LOXHD1: variants seen among roughly 807,000 people sequenced by gnomAD.
LOXHD1 encodes lipoxygenase homology PLAT domains 1, also known as lipoxygenase homology domain-containing protein 1.
LOXHD1 carries 205 observed loss-of-function variants against 248.2 expected under a neutral mutation model. The ratio of observed to expected loss-of-function variants is 0.83; its 90% CI spans 0.74 to 0.93. The LOEUF (loss-of-function observed/expected upper bound fraction) is 0.93, where lower values mean the gene tolerates loss of function less well. LOXHD1 is among the 40% of genes least tolerant of loss of function. The pLI, the probability that LOXHD1 is intolerant of heterozygous loss-of-function variation, is 0.00. For missense variants in LOXHD1, 2,930 were observed against 2,971.6 expected (o/e 0.99, Z 0.33); for synonymous variants, 1,113 against 1,162.8 (o/e 0.96, Z 0.87).
chr18:46,519,648 C>T (rs1327101302), intron 33 of LOXHD1, among the ~76,000 whole-genome samples: 1 of 152,202 alleles, frequency 6.6e-6, no homozygotes, highest in Non-Finnish European at 1.5e-5. Context: ...CTTATCCAGG[C>T]AGGCATAAAA....
intron 6 of LOXHD1, among the ~76,000 whole-genome samples, chr18:46,610,575 T>A (rs964382149): frequency 6.6e-6 from 1 of 152,216 alleles, no homozygotes; most frequent in South Asian, 2.1e-4. Context: ...GAGAAAGTAC[T>A]GGACTTCCTG....
At chr18:46,519,990 C>T (rs533209726) in intron 33 of LOXHD1, among the ~76,000 whole-genome samples, 25 of 152,232 alleles carry the variant, frequency 1.6e-4, no homozygotes, top group African/African-American at 4.6e-4. Context: ...AGCTGCACTG[C>T]GTGGGGTGTG....
At chr18:46,527,001 A>G (rs890653763) in intron 29 of LOXHD1, among the ~76,000 whole-genome samples, 1 of 152,138 alleles carries the variant, frequency 6.6e-6, no homozygotes, top group Non-Finnish European at 1.5e-5. Flanking sequence ...TTAAGGTCAC[A>G]TGGTTAGTAA....
chr18:46,510,627 A>G (rs1391173854), intron 34 of LOXHD1, among the ~76,000 whole-genome samples: 1 of 152,170 alleles, frequency 6.6e-6, no homozygotes, highest in African/African-American at 2.4e-5. Flanking sequence ...CTGCATGGCA[A>G]TCGTCGTGCT....
At chr18:46,477,239 G>T (rs1045899059), downstream of LOXHD1, 2 of 743,374 alleles carry the variant, frequency 2.7e-6, no homozygotes, top group Non-Finnish European at 4.9e-6. Flanking sequence ...ACAGAAAAAG[G>T]AAATACAAAA....
At chr18:46,488,619 G>A (rs761762361) in intron 38 of LOXHD1, among the ~76,000 whole-genome samples, 1 of 152,184 alleles carries the variant, frequency 6.6e-6, no homozygotes, top group African/African-American at 2.4e-5. Context: ...TCTAGGAAGC[G>A]TTGATTAGGC....
intron 14 of LOXHD1, among the ~76,000 whole-genome samples, chr18:46,577,318 T>G (rs2037877094): frequency 6.6e-6 from 1 of 152,054 alleles, no homozygotes; most frequent in East Asian, 1.9e-4. Flanking sequence ...AGGGAAGAGG[T>G]ATGGTCAGAA....
chr18:46,557,543 G>A (rs942521679), intron 20 of LOXHD1, 54 bp from the exon 21 acceptor site: 1 of 1,547,700 alleles, frequency 6.5e-7, no homozygotes. Context: ...TCCCCACATG[G>A]CCATCAGCCC....
intron 4 of LOXHD1, among the ~76,000 whole-genome samples, chr18:46,619,170 T>C (rs1256717839): frequency 6.6e-6 from 1 of 152,146 alleles, no homozygotes; most frequent in Non-Finnish European, 1.5e-5. Flanking sequence ...CCACTCTCCC[T>C]CCCCTTTTCC....
intron 21 of LOXHD1, chr18:46,555,045 T>C (rs2037262465): frequency 2.2e-6 from 1 of 455,730 alleles, no homozygotes; most frequent in East Asian, 7.1e-5. Context: ...CAGGCATTAC[T>C]ATAGATTGTA....
intron 18 of LOXHD1, 136 bp from the exon 19 acceptor site, chr18:46,560,681 CT>C: frequency 1.3e-6 from 1 of 799,344 alleles, no homozygotes; most frequent in South Asian, 1.9e-5. Context: ...GGCCTCTGTG[CT>C]CAGATCCTTC....
At chr18:46,570,341 C>G (rs1230781514) in intron 15 of LOXHD1, among the ~76,000 whole-genome samples, 1 of 152,246 alleles carries the variant, frequency 6.6e-6, no homozygotes, top group Admixed American at 6.5e-5. Flanking sequence ...CAGGCTTGTT[C>G]CTGGGTGTGT....
chr18:46,582,021 T>C (rs1259875089), intron 12 of LOXHD1, among the ~76,000 whole-genome samples: 2 of 152,184 alleles, frequency 1.3e-5, no homozygotes, highest in African/African-American at 4.8e-5. Flanking sequence ...CACTAGCATA[T>C]CTGTCAAGAA....
At chr18:46,521,453 A>T (rs953184274) in intron 32 of LOXHD1, among the ~76,000 whole-genome samples, 171 bp from the exon 33 acceptor site, 7 of 152,262 alleles carry the variant, frequency 4.6e-5, no homozygotes, top group Admixed American at 3.3e-4. Context: ...GCCTCTAATT[A>T]GGTGACTTTG....
intron 8 of LOXHD1, among the ~76,000 whole-genome samples, chr18:46,595,838 C>T (rs980659310): frequency 6.6e-6 from 1 of 152,146 alleles, no homozygotes; most frequent in Admixed American, 6.5e-5. Flanking sequence ...TCCTCGTTTA[C>T]TCTTGAATTG....
chr18:46,642,595 G>A (rs1468996864), intron 2 of LOXHD1, among the ~76,000 whole-genome samples: 1 of 152,242 alleles, frequency 6.6e-6, no homozygotes, highest in Non-Finnish European at 1.5e-5. Context: ...GGGAAGTAGG[G>A]CAGTGAGGGA....
chr18:46,623,927 C>T (rs963197094), intron 4 of LOXHD1, among the ~76,000 whole-genome samples: 1 of 152,232 alleles, frequency 6.6e-6, no homozygotes, highest in Non-Finnish European at 1.5e-5. Flanking sequence ...GCCACATTCC[C>T]GACTACAGAA....
Position 46,604,122 on chromosome 18 carries a change from G to A in LOXHD1, c.867C>T (p.Gly289=), listed in dbSNP as rs748490817. 3.1e-5 allele frequency: 48 copies of A among 1,551,700 alleles called. No individual in the cohort carries two copies. The highest frequency in any genetic ancestry group is 2.0e-4 in the South Asian group (17 of 84,056). Residue 289 remains glycine, a synonymous_variant, in exon 7 of 41, where the codon GGC becomes GGT. Transcript: ENST00000642948. ...CAAATCTACCTGTGGTCTCAGCTCC[G>A]CCCACTAAGATATCCCTTTGGATTT... ...DGKIQRDILV[G]GAETTAITYI... is the part of the protein sequence containing the mutation.
intron 12 of LOXHD1, 111 bp downstream of exon 12, chr18:46,591,822 G>A: frequency 7.4e-7 from 1 of 1,355,022 alleles, no homozygotes; most frequent in South Asian, 1.4e-5. Flanking sequence ...GGCACTCTAA[G>A]GGGCCTGAAG....
Sources: allele counts gnomAD v4.1 joint callset (sites outside exome capture counted in the v4.1 genomes callset), GRCh38; gene constraint gnomAD v4.1.1; transcripts MANE v1.5; gene names NCBI Gene and HGNC (gene_info 2026-07-23, HGNC 2026-07-21).